PADI4: variants seen among roughly 807,000 people sequenced by gnomAD.
PADI4 encodes the protein protein-arginine deiminase type-4.
PADI4 carries 62 observed loss-of-function variants against 75.0 expected under a neutral mutation model. The observed-to-expected ratio is 0.83, with a 90% CI of 0.67 to 1.02. The LOEUF (loss-of-function observed/expected upper bound fraction) is 1.02, where lower values mean the gene tolerates loss of function less well. Among genes scored for constraint, PADI4 ranks in the 50% least tolerant of loss-of-function variants. The pLI is 0.00. For synonymous variants in PADI4, 361 were observed against 348.1 expected, an observed-to-expected ratio of 1.04 and a Z score of -0.41; for missense variants, 845 against 850.5, an observed-to-expected ratio of 0.99 and a Z score of 0.08.
intron 5 of PADI4, among the ~76,000 whole-genome samples, chr1:17,339,360 T>C (rs1371466846): frequency 3.9e-5 from 6 of 152,204 alleles, no homozygotes; most frequent in Admixed American, 6.5e-5. Context: ...GTCATTGTTC[T>C]AGGGAGTTCT....
chr1:17,356,764 A>C lies in PADI4; in HGVS notation c.1558+305A>C, dbSNP rs1344371032. Among the ~76,000 whole-genome samples, 1 of 148,294 alleles carries C rather than the reference A, an allele frequency of 6.7e-6. No individual in the cohort carries two copies. On this transcript the variant is annotated intron_variant, in intron 13 of 15. Transcript: ENST00000375448. The surrounding 1 kb of genome is among the most constrained non-coding windows in gnomAD (Gnocchi z 4.1). ...AGGCAGAGGCCAAGCAGTAGCATGC[A>C]AGTAGGGGTTGGCTGGGCAAACGGG... is the stretch of plus-strand genomic sequence containing the variant.
Position 17,338,101 on chromosome 1 carries a change from A to G in PADI4, c.472A>G (p.Asn158Asp). 1 of 1,613,594 alleles carries G rather than the reference A, an allele frequency of 6.2e-7. No homozygotes were observed. Among genetic ancestry groups the G allele is most frequent in the Non-Finnish European group, 8.5e-7 (1 of 1,179,666 alleles). Residue 158 changes from asparagine to aspartate, a missense_variant, in exon 5 of 16, where the codon AAT becomes GAT. Asn to Asp is a conservative substitution (Grantham distance 23, BLOSUM62 1). Coordinates refer to ENST00000375448, the MANE Select transcript of PADI4 (RefSeq NM_012387.3). ...CCTGCTGGTGAACTGTGACAGAGAC[A>G]ATCTCGAATCTTCTGCCATGGACTG... ...AILLVNCDRD[N>D]LESSAMDCED...
At chr1:17,329,088 CTT>C (rs964539497) in intron 1 of PADI4, among the ~76,000 whole-genome samples, 1 of 144,676 alleles carries the variant, frequency 6.9e-6, no homozygotes, top group African/African-American at 2.5e-5. Flanking sequence ...TTATTAGTAT[CTT>C]AATAAATATC....
intron 4 of PADI4, among the ~76,000 whole-genome samples, chr1:17,337,716 G>T (rs1039870850): frequency 6.6e-6 from 1 of 151,888 alleles, no homozygotes. Flanking sequence ...AAGAGATTGA[G>T]CCATCCTGGC....
At chr1:17,344,974 C>T (rs948233589) in intron 8 of PADI4, among the ~76,000 whole-genome samples, 1 of 152,208 alleles carries the variant, frequency 6.6e-6, no homozygotes, top group Non-Finnish European at 1.5e-5. Context: ...CCACTGACAG[C>T]TTGCACCGTG....
In PADI4 at chr1:17,334,116, T is replaced by A. The variant is rs1233896250; in HGVS notation, c.340+107T>A. On this transcript the variant is annotated intron_variant, in intron 3 of 15. Transcript: ENST00000375448. ...ACTACACCTGGAGCTTACTTTAGACTGAGTAGAGAAAAAGCATGGTTTCTA... is the reference window on the plus strand; with the variant it reads ...ACTACACCTGGAGCTTACTTTAGACAGAGTAGAGAAAAAGCATGGTTTCTA... 6.9e-6 allele frequency: 5 copies of A among 729,852 alleles called. No homozygotes were observed. In the African/African-American group the frequency reaches 7.1e-5, roughly 10 times the overall value. The allele number at this position is 729,852 out of a possible 1,614,324, so 45.2% of individuals were successfully genotyped here.
rs146361495 is a variant in PADI4 at position 17,359,549 on chromosome 1, G to A, written c.1758+141G>A. The stretch of plus-strand genomic sequence containing the variant: ...GTAGCTTTGTCCTGAGTGGTACAAG[G>A]TCAGACGTGACCAGGTCCATGCACG... On this transcript the variant is annotated intron_variant, in intron 15 of 15. Transcript: ENST00000375448. 8.9e-4 allele frequency: 990 copies of A among 1,114,716 alleles called. 11 individuals are homozygous for A. The East Asian group carries it at 0.022, about 25-fold the overall frequency. 69.1% of individuals were successfully genotyped at this position (1,114,716 alleles called of 1,614,324 possible). A position where few individuals can be genotyped will look rare whatever the true frequency, so the allele number is the denominator to read the frequency against.
intron 15 of PADI4, among the ~76,000 whole-genome samples, chr1:17,361,511 G>A (rs992643407): frequency 3.9e-5 from 6 of 152,236 alleles, no homozygotes; most frequent in African/African-American, 1.4e-4. Context: ...TAGCACGCAT[G>A]GGCTGTGTCT....
chr1:17,344,957 G>C (rs1185608409), intron 8 of PADI4, among the ~76,000 whole-genome samples: 1 of 152,160 alleles, frequency 6.6e-6, no homozygotes, highest in Non-Finnish European at 1.5e-5. Flanking sequence ...ACTCCAGAAG[G>C]GTAGATCCAC....
At chr1:17,340,553 T>A (rs192375474) in intron 6 of PADI4, among the ~76,000 whole-genome samples, 9 of 151,910 alleles carry the variant, frequency 5.9e-5, no homozygotes, top group Non-Finnish European at 2.9e-5. Context: ...GGTGAGATCA[T>A]GCCTGTGGTT....
At position 17,338,039 on chromosome 1, in the gene PADI4, G is replaced by A. The variant is rs773090068; in HGVS notation, c.410G>A (p.Arg137Lys). ...TGACTCTTCCCTGCTGGTGTCCAGA[G>A]GACCTGGACCTGGGGCCCTTGTGGA... Reference protein sequence around the residue: ...VKPTRAVKDQRTWTWGPCGQG... With the variant: ...VKPTRAVKDQKTWTWGPCGQG... The change falls in exon 5 of 16, where the codon AGG becomes AAG. Residue 137 changes from arginine (R) to lysine (K), a missense_variant and splice_region_variant. Arg to Lys is a conservative substitution (Grantham distance 26, BLOSUM62 2). Transcript: ENST00000375448. 1.3e-6 allele frequency: 2 copies of A among 1,596,658 alleles called. No homozygotes were observed. The highest frequency in any genetic ancestry group is 1.7e-5 in the Admixed American group (1 of 59,984).
rs138676156 is a variant in PADI4 at position 17,339,002 on chromosome 1, G to A, written c.527-686G>A. On this transcript the variant is annotated intron_variant, in intron 5 of 15. Coordinates refer to ENST00000375448, the MANE Select transcript of PADI4 (RefSeq NM_012387.3). ...TTTGTGGGCACTCCCGGGGTGCCAAGAGCTGGTATAAGCACTGTGTATCAC... is the reference window on the plus strand; with the variant it reads ...TTTGTGGGCACTCCCGGGGTGCCAAAAGCTGGTATAAGCACTGTGTATCAC... Among the ~76,000 whole-genome samples, 822 of 152,290 alleles carry A rather than the reference G, an allele frequency of 5.4e-3. 10 individuals carry two copies. Among genetic ancestry groups the A allele is most frequent in the African/African-American group, 0.019 (786 of 41,538 alleles).
intron 10 of PADI4, among the ~76,000 whole-genome samples, chr1:17,353,487 T>A (rs34871124): frequency 6.6e-6 from 1 of 152,042 alleles, no homozygotes; most frequent in Non-Finnish European, 1.5e-5. Flanking sequence ...CCTGGGCACA[T>A]AATTTGGCGT....
chr1:17,355,339 G>T (rs867359994), intron 11 of PADI4, among the ~76,000 whole-genome samples: 1 of 152,146 alleles, frequency 6.6e-6, no homozygotes, highest in Non-Finnish European at 1.5e-5. Flanking sequence ...ATTACCTGAG[G>T]TCAGGAGTTC....
chr1:17,350,529 C>T lies in PADI4; in HGVS notation c.1155+2481C>T, dbSNP rs748799975. On this transcript the variant is annotated intron_variant, in intron 10 of 15. Coordinates refer to ENST00000375448, the MANE Select transcript of PADI4 (RefSeq NM_012387.3). ...AATGAGAAGGGCAACAGCTTTCCAA[C>T]GTTGTGCCTCAGGCCGCATCACCTG... is the stretch of plus-strand genomic sequence containing the variant. Among the ~76,000 whole-genome samples the T allele has an allele frequency of 6.1e-4, 79 of 130,576 alleles. 11 individuals are homozygous for T. The highest frequency in any genetic ancestry group is 1.5e-3 in the African/African-American group (62 of 40,220). 85.7% of individuals were successfully genotyped at this position (130,576 alleles called of 152,430 possible).
chr1:17,312,527 A>C (rs2100648768), intron 1 of PADI4, among the ~76,000 whole-genome samples: 2 of 151,788 alleles, frequency 1.3e-5, no homozygotes, highest in East Asian at 3.9e-4. Flanking sequence ...TGGGTAGATA[A>C]GAGGTAAGTG....
In PADI4 at chr1:17,356,263, C is replaced by T; in HGVS notation, c.1456-94C>T. On this transcript the variant is annotated intron_variant, in intron 12 of 15. Coordinates refer to ENST00000375448, the MANE Select transcript of PADI4 (RefSeq NM_012387.3). This position sits in a 1 kb window ranked among gnomAD's most constrained non-coding sequence, Gnocchi z 4.1. ...AGTAGAGGAGGTGGCCAGCTTGGGT[C>T]CAAGTCCACACTACTCCCACCCTCA... 1 of 1,284,386 alleles carries T rather than the reference C, an allele frequency of 7.8e-7. No homozygotes were observed. Among genetic ancestry groups the T allele is most frequent in the Non-Finnish European group, 1.1e-6 (1 of 920,408 alleles). 79.6% of individuals were successfully genotyped at this position (1,284,386 alleles called of 1,614,324 possible). A position where few individuals can be genotyped will look rare whatever the true frequency, so the allele number is the denominator to read the frequency against.
rs35381732 is a variant in PADI4, at chr1:17,308,245, G to T, written c.23G>T (p.Arg8Leu). 1 of 1,614,040 alleles carries T rather than the reference G, an allele frequency of 6.2e-7. No individual in the cohort carries two copies. The highest frequency in any genetic ancestry group is 2.2e-5 in the East Asian group (1 of 44,876). ...ACGATGGCCCAGGGGACATTGATCC[G>T]TGTGACCCCAGAGCAGCCCACCCAT... is the stretch of plus-strand genomic sequence containing the variant. MAQGTLI[R>L]VTPEQPTHAV... Residue 8 changes from arginine to leucine, a missense_variant, in exon 1 of 16, where the codon CGT (arginine) becomes CTT (leucine). Physicochemically the swap from Arg to Leu is moderately radical, Grantham distance 102. Transcript: ENST00000375448.
Position 17,331,126 on chromosome 1 carries a change from A to C in PADI4, c.250A>C (p.Ser84Arg), listed in dbSNP as rs1434938854. 1 of 1,611,202 alleles carries C rather than the reference A, an allele frequency of 6.2e-7. No individual in the cohort carries two copies. ...VEVTLTMKVASGSTGDQKVQI... is the reference protein window; with the variant it reads ...VEVTLTMKVARGSTGDQKVQI... ...GGTGACCCTGACGATGAAAGTGGCC[A>C]GTGGTAGCACAGGCGACCAGAAGGT... Residue 84 changes from serine (S) to arginine (R), a missense_variant, in exon 2 of 16, where the codon AGT becomes CGT. Coordinates refer to ENST00000375448, the MANE Select transcript of PADI4 (RefSeq NM_012387.3).
Sources: allele counts gnomAD v4.1 joint callset (sites outside exome capture counted in the v4.1 genomes callset), GRCh38; gene constraint gnomAD v4.1.1; non-coding constraint Gnocchi (gnomAD v3.1); transcripts MANE v1.5; gene names NCBI Gene and HGNC (gene_info 2026-07-23, HGNC 2026-07-21).